The following SH3BGRL2 variants were observed in gnomAD, a reference collection of about 807,000 sequenced individuals.
SH3BGRL2 encodes the protein SH3 domain-binding glutamic acid-rich-like protein 2.
Under a neutral mutation model 14.8 loss-of-function variants are expected in SH3BGRL2, and 21 were observed. The observed-to-expected ratio is 1.42, with a 90% CI of 1.01 to 2.05. The LOEUF is 2.05. Among genes scored for constraint, SH3BGRL2 ranks in the 30% most tolerant of loss-of-function variants. The pLI is 0.00. For synonymous variants in SH3BGRL2, 50 were observed against 47.8 expected (o/e 1.05, Z -0.19); for missense variants, 147 against 130.8 (o/e 1.12, Z -0.61).
At position 79,699,774 on chromosome 6, in the gene SH3BGRL2, G is replaced by A. The variant is rs1331633732; in HGVS notation, c.*265G>A. On this transcript the variant is annotated 3_prime_UTR_variant, in exon 4 of 4. Transcript: ENST00000369838. ...CCTGGAAATACCGTCACCTGTTACA[G>A]GTGTACTTTCTTAATGACTGAAAGA... 2.4e-6 allele frequency: 1 copy of A among 423,504 alleles called. No homozygotes were observed. Among genetic ancestry groups the A allele is most frequent in the Admixed American group, 4.0e-5 (1 of 25,106 alleles). 26.2% of individuals were successfully genotyped at this position (423,504 alleles called of 1,614,324 possible).
chr6:79,697,471 G>A (rs549947333), intron 3 of SH3BGRL2, among the ~76,000 whole-genome samples: 8 of 152,140 alleles, frequency 5.3e-5, no homozygotes, highest in Non-Finnish European at 7.4e-5. Context: ...AAAATAGTAG[G>A]TCTTTTGAGG....
chr6:79,552,529 G>T, the SH3BGRL2 span, among the ~76,000 whole-genome samples: 1 of 152,056 alleles, frequency 6.6e-6, no homozygotes, highest in Non-Finnish European at 1.5e-5. Context: ...TACTCAACTG[G>T]TTACATTTGA....
intron 2 of SH3BGRL2, among the ~76,000 whole-genome samples, chr6:79,678,404 C>T (rs1238587383): frequency 6.6e-6 from 1 of 152,136 alleles, no homozygotes; most frequent in African/African-American, 2.4e-5. Context: ...TTTTTTGCAA[C>T]TGGCTTCTTT....
chr6:79,677,016 T>C (rs1311193284), intron 2 of SH3BGRL2, among the ~76,000 whole-genome samples: 2 of 152,186 alleles, frequency 1.3e-5, no homozygotes, highest in Non-Finnish European at 2.9e-5. Context: ...TATTGGCGTA[T>C]GCACTGTAAT....
intron 2 of SH3BGRL2, 29 bp from the exon 3 acceptor site, chr6:79,696,456 G>A: frequency 6.7e-7 from 1 of 1,484,998 alleles, no homozygotes; most frequent in Admixed American, 2.2e-5. Flanking sequence ...GCTTTTGTTG[G>A]TTTATTTTCT....
At chr6:79,586,640 A>G in the SH3BGRL2 span, among the ~76,000 whole-genome samples, 2 of 152,166 alleles carry the variant, frequency 1.3e-5, no homozygotes. Context: ...AGGAAACCAT[A>G]TGGAATTATT....
the SH3BGRL2 span, among the ~76,000 whole-genome samples, chr6:79,580,536 A>G: frequency 6.6e-6 from 1 of 152,248 alleles, no homozygotes; most frequent in Admixed American, 6.5e-5. Flanking sequence ...TTGCTTCTGA[A>G]TGACTACTGG....
intron 2 of SH3BGRL2, among the ~76,000 whole-genome samples, chr6:79,689,689 T>G (rs1429076716): frequency 1.3e-5 from 2 of 152,112 alleles, no homozygotes; most frequent in African/African-American, 2.4e-5. Context: ...ATATGAAACT[T>G]GCACTTGAGA....
At chr6:79,698,393 G>A (rs1770375885) in intron 3 of SH3BGRL2, among the ~76,000 whole-genome samples, 1 of 152,192 alleles carries the variant, frequency 6.6e-6, no homozygotes, top group Non-Finnish European at 1.5e-5. Context: ...TTGACAGAGT[G>A]TTCACAGGTT....
At chr6:79,683,440 C>A (rs931320773) in intron 2 of SH3BGRL2, among the ~76,000 whole-genome samples, 1 of 151,848 alleles carries the variant, frequency 6.6e-6, no homozygotes, top group Non-Finnish European at 1.5e-5. Flanking sequence ...TGTTTTCCAA[C>A]CTTTAGAAAT....
chr6:79,680,892 T>A (rs1054448980), intron 2 of SH3BGRL2, among the ~76,000 whole-genome samples: 1 of 152,224 alleles, frequency 6.6e-6, no homozygotes, highest in African/African-American at 2.4e-5. Context: ...AAAACACAAC[T>A]GATTTTTTTG....
chr6:79,620,613 T>C, the SH3BGRL2 span, among the ~76,000 whole-genome samples: 1 of 150,686 alleles, frequency 6.6e-6, no homozygotes, highest in African/African-American at 2.4e-5. Context: ...TTTCCCAGCC[T>C]GAAAAAAAGG....
chr6:79,699,007 AGCAG>A (rs1770388957), intron 3 of SH3BGRL2, among the ~76,000 whole-genome samples: 1 of 151,546 alleles, frequency 6.6e-6, no homozygotes, highest in Admixed American at 6.6e-5. Context: ...CCAGAGCTTG[AGCAG>A]GCCACAGAGG....
the SH3BGRL2 span, among the ~76,000 whole-genome samples, chr6:79,590,374 G>A: frequency 7.8e-5 from 11 of 141,844 alleles, no homozygotes; most frequent in South Asian, 2.3e-4. Context: ...TAGCAAAGCC[G>A]TGGAATCAAC....
the SH3BGRL2 span, among the ~76,000 whole-genome samples, chr6:79,588,665 T>C: frequency 6.6e-6 from 1 of 152,344 alleles, no homozygotes; most frequent in African/African-American, 2.4e-5. Flanking sequence ...ATCAATCATA[T>C]GTCATTATTT....
chr6:79,622,168 G>T, the SH3BGRL2 span, among the ~76,000 whole-genome samples: 2 of 152,140 alleles, frequency 1.3e-5, no homozygotes, highest in African/African-American at 4.8e-5. Flanking sequence ...ACCTGCAGCT[G>T]CATGTATATC....
intron 2 of SH3BGRL2, 96 bp from the exon 3 acceptor site, chr6:79,696,389 C>T: frequency 1.1e-6 from 1 of 873,978 alleles, no homozygotes; most frequent in Non-Finnish European, 1.8e-6. Context: ...AGCAATGGTA[C>T]ATTTTTTACT....
chr6:79,556,539 G>A, the SH3BGRL2 span, among the ~76,000 whole-genome samples: 1 of 151,830 alleles, frequency 6.6e-6, no homozygotes, highest in Non-Finnish European at 1.5e-5. Flanking sequence ...AATAAAACAG[G>A]AATTCTTATA....
At chr6:79,558,620 T>A in the SH3BGRL2 span, among the ~76,000 whole-genome samples, 2 of 151,660 alleles carry the variant, frequency 1.3e-5, no homozygotes. Context: ...ATCCTAGCAG[T>A]TTGGGAGGCC....
Sources: allele counts gnomAD v4.1 joint callset (sites outside exome capture counted in the v4.1 genomes callset), GRCh38; gene constraint gnomAD v4.1.1; transcripts MANE v1.5; gene names NCBI Gene and HGNC (gene_info 2026-07-23, HGNC 2026-07-21).